ZBBX: variants seen among roughly 807,000 people sequenced by gnomAD.
The protein encoded by ZBBX is zinc finger B-box domain-containing protein 1.
Under a neutral mutation model 108.5 loss-of-function variants are expected in ZBBX, and 101 were observed. The ratio of observed to expected loss-of-function variants is 0.93; its 90% CI spans 0.79 to 1.10. The LOEUF (loss-of-function observed/expected upper bound fraction) is 1.10, where lower values mean the gene tolerates loss of function less well. Among genes scored for constraint, ZBBX ranks in the 50% least tolerant of loss-of-function variants. The probability of loss-of-function intolerance (pLI) is 0.00; values close to 1 mark genes in which losing one functional copy is unlikely to be tolerated. For missense variants in ZBBX, 1,009 were observed against 941.4 expected, an observed-to-expected ratio of 1.07 and a Z score of -0.94; for synonymous variants, 356 against 323.4, an observed-to-expected ratio of 1.10 and a Z score of -1.08.
intron 10 of ZBBX, chr3:167,331,554 C>T: frequency 1.0e-6 from 1 of 985,140 alleles, no homozygotes; most frequent in Non-Finnish European, 1.2e-6. Flanking sequence ...GGAGTTATGC[C>T]ATTGGAATAC....
chr3:167,396,480 G>C (rs2108640078), intron 1 of ZBBX, among the ~76,000 whole-genome samples: 1 of 152,158 alleles, frequency 6.6e-6, no homozygotes, highest in Non-Finnish European at 1.5e-5. Context: ...GCCGGCATTA[G>C]ATTGAGCACT....
At chr3:167,385,614 G>A (rs1747888406) in intron 1 of ZBBX, among the ~76,000 whole-genome samples, 1 of 151,756 alleles carries the variant, frequency 6.6e-6, no homozygotes, top group East Asian at 1.9e-4. Flanking sequence ...TCGTACAGAT[G>A]TACACAAAAT....
At chr3:167,230,744 C>T in the ZBBX span, among the ~76,000 whole-genome samples, 1 of 151,734 alleles carries the variant, frequency 6.6e-6, no homozygotes, top group African/African-American at 2.4e-5. Flanking sequence ...ATCAAATGAG[C>T]TTTGGAAGCG....
chr3:167,236,758 G>A (rs1156419796), downstream of ZBBX, among the ~76,000 whole-genome samples: 2 of 151,760 alleles, frequency 1.3e-5, no homozygotes, highest in African/African-American at 4.8e-5. Flanking sequence ...TGAGTTCTGT[G>A]ACAATCAATA....
chr3:167,290,627 C>G (rs951875294), intron 18 of ZBBX, among the ~76,000 whole-genome samples: 1 of 152,074 alleles, frequency 6.6e-6, no homozygotes, highest in Non-Finnish European at 1.5e-5. Context: ...CTGAAAATTC[C>G]AAAAACCTGA....
At chr3:167,312,174 C>A (rs1382193176) in intron 16 of ZBBX, among the ~76,000 whole-genome samples, 1 of 151,896 alleles carries the variant, frequency 6.6e-6, no homozygotes, top group Non-Finnish European at 1.5e-5. Context: ...GTTAAAGAAT[C>A]CAATTATTAA....
chr3:167,266,908 C>G (rs1046942991), intron 20 of ZBBX, among the ~76,000 whole-genome samples: 1 of 152,056 alleles, frequency 6.6e-6, no homozygotes, highest in African/African-American at 2.4e-5. Context: ...GCAGTGGCTT[C>G]AGGTTGAGGA....
At chr3:167,337,870 C>T (rs1022217818) in intron 9 of ZBBX, among the ~76,000 whole-genome samples, 5 of 151,688 alleles carry the variant, frequency 3.3e-5, no homozygotes, top group African/African-American at 1.2e-4. Context: ...AACACTGTAC[C>T]ATATATTAAT....
chr3:167,209,076 C>A, the ZBBX span, among the ~76,000 whole-genome samples: 1 of 152,050 alleles, frequency 6.6e-6, no homozygotes, highest in Non-Finnish European at 1.5e-5. Flanking sequence ...ACAGAATCCT[C>A]TGCTTGTAGA....
intron 17 of ZBBX, among the ~76,000 whole-genome samples, chr3:167,302,244 T>G (rs1732821944): frequency 6.6e-6 from 1 of 152,290 alleles, no homozygotes; most frequent in Non-Finnish European, 1.5e-5. Flanking sequence ...TCAAATCTTC[T>G]CTATCTTTAC....
chr3:167,279,150 A>G (rs1387108092), intron 20 of ZBBX, among the ~76,000 whole-genome samples: 1 of 152,042 alleles, frequency 6.6e-6, no homozygotes, highest in Non-Finnish European at 1.5e-5. Context: ...TATCATACTG[A>G]ATGGGCAAAA....
In ZBBX at chr3:167,260,435, C is replaced by T. The variant is rs969110414; in HGVS notation, c.2255-17792G>A. Among the ~76,000 whole-genome samples, 3 of 152,266 alleles carry T rather than the reference C, an allele frequency of 2.0e-5. No individual in the cohort carries two copies. In the South Asian group the frequency reaches 6.2e-4, roughly 32 times the overall value. On this transcript the variant is annotated intron_variant, in intron 20 of 21. Coordinates refer to ENST00000675490, the MANE Select transcript of ZBBX (RefSeq NM_001199201.2). ...ATTCCCCAAACACATTTTTCAAGCT[C>T]TTAGAATTCTCTTCTTCCTCAGAAC...
intron 17 of ZBBX, among the ~76,000 whole-genome samples, chr3:167,305,031 C>T (rs925845093): frequency 6.6e-6 from 1 of 151,950 alleles, no homozygotes; most frequent in South Asian, 2.1e-4. Context: ...CTTAAATTTC[C>T]TAAGAATGTA....
chr3:167,243,918 C>T (rs767533780), intron 20 of ZBBX, among the ~76,000 whole-genome samples: 3 of 152,032 alleles, frequency 2.0e-5, no homozygotes, highest in Non-Finnish European at 4.4e-5. Context: ...ACTTTGAAAT[C>T]ATGATGCATG....
chr3:167,350,378 T>A, intron 9 of ZBBX, 42 bp downstream of exon 9: 1 of 1,472,402 alleles, frequency 6.8e-7, no homozygotes, highest in Admixed American at 2.0e-5. Flanking sequence ...GTGGAAACAT[T>A]TTATAAACAC....
chr3:167,185,890 C>T, the ZBBX span, among the ~76,000 whole-genome samples: 2 of 152,052 alleles, frequency 1.3e-5, no homozygotes, highest in South Asian at 4.1e-4. Context: ...CATTGGTGGA[C>T]ATTTGGGCTA....
At chr3:167,306,034 TA>T (rs199805567) in intron 16 of ZBBX, 84 bp from the exon 17 acceptor site, 21 of 1,160,710 alleles carry the variant, frequency 1.8e-5, no homozygotes, top group Middle Eastern at 3.1e-4. Flanking sequence ...AGTTCTGTGG[TA>T]AAAAAACTTT....
chr3:167,343,012 G>A (rs1455328862), intron 9 of ZBBX, among the ~76,000 whole-genome samples: 1 of 151,762 alleles, frequency 6.6e-6, no homozygotes, highest in East Asian at 1.9e-4. Context: ...TAATCTTTTT[G>A]TTAATCCTTT....
At chr3:167,402,075 C>T (rs1748440982) in intron 1 of ZBBX, among the ~76,000 whole-genome samples, 1 of 152,030 alleles carries the variant, frequency 6.6e-6, no homozygotes, top group South Asian at 2.1e-4. Flanking sequence ...GAGCTATTGG[C>T]AACAGTGGAG....
Sources: gnomAD v4.1 joint callset for allele counts (sites outside exome capture counted in the v4.1 genomes callset) on GRCh38, gnomAD v4.1.1 for gene constraint, MANE v1.5 for transcripts, NCBI Gene and HGNC (gene_info 2026-07-23, HGNC 2026-07-21) for gene names.